SEMA4G: variants seen among roughly 807,000 people sequenced by gnomAD.
SEMA4G encodes semaphorin-4G.
Under a neutral mutation model 81.2 loss-of-function variants are expected in SEMA4G, and 59 were observed. That is an observed-to-expected ratio of 0.73 (90% CI 0.59 to 0.90). SEMA4G has a LOEUF of 0.90. Ranked by LOEUF, SEMA4G falls within the 40% of genes least tolerant of loss-of-function variation. SEMA4G has a pLI of 0.00. For synonymous variants in SEMA4G, 404 were observed against 433.9 expected, an observed-to-expected ratio of 0.93 and a Z score of 0.86; for missense variants, 952 against 1,102.3, an observed-to-expected ratio of 0.86 and a Z score of 1.93.
exon 8 of SEMA4G, chr10:100,979,229 G>A (rs1161933809): frequency 6.2e-7 from 1 of 1,614,202 alleles, no homozygotes; most frequent in Admixed American, 1.7e-5. Flanking sequence ...GAAACCTCAA[G>A]CCGTACACAC....
rs1429444660 is a variant in SEMA4G at position 100,978,398 on chromosome 10, CCTT to C, written c.529+15_529+17del. ...ACAGGCCTCATCATTGGTGAGCAGG[CCTT>C]CTTCCCTATCACAGACATGGTATTT... On this transcript the variant is annotated intron_variant, in intron 5 of 13. Transcript: ENST00000370250. The C allele has an allele frequency of 1.9e-6, 3 of 1,611,304 alleles. No individual in the cohort carries two copies. In the African/African-American group the frequency reaches 4.0e-5, roughly 22 times the overall value.
exon 14 of SEMA4G, chr10:100,984,135 C>T (rs1851297775): frequency 1.2e-6 from 2 of 1,601,658 alleles, no homozygotes; most frequent in Non-Finnish European, 1.7e-6. Flanking sequence ...TGTCTGAGCC[C>T]AGCCTCCCAG....
chr10:100,983,700 C>T, exon 14 of SEMA4G: 2 of 1,613,604 alleles, frequency 1.2e-6, no homozygotes, highest in East Asian at 4.5e-5. Flanking sequence ...CTCCTCCCTC[C>T]TCTATGTGGC....
At chr10:100,972,113 C>A (rs140686418), upstream of SEMA4G, among the ~76,000 whole-genome samples, 5 of 152,276 alleles carry the variant, frequency 3.3e-5, no homozygotes, top group African/African-American at 1.2e-4. Context: ...ACAAAATAAA[C>A]AAAGGTCCAT....
chr10:100,974,949 T>TA lies in SEMA4G; in HGVS notation c.336+1346dup, dbSNP rs1352846080. The TA allele has an allele frequency of 6.0e-6, 3 of 498,222 alleles. No individual in the cohort carries two copies. In the Admixed American group the frequency reaches 6.8e-5, roughly 11 times the overall value. The allele number at this position is 498,222 out of a possible 1,614,324, so 30.9% of individuals were successfully genotyped here. A position where few individuals can be genotyped will look rare whatever the true frequency, so the allele number is the denominator to read the frequency against. On this transcript the variant is annotated intron_variant, in intron 3 of 13. Transcript: ENST00000370250. Reference sequence around the variant, plus strand: ...CAATATAATGAGACTCTATCTCTAATAAAAAATAATTAAAAAAAAATTCCC... The same window carrying TA: ...CAATATAATGAGACTCTATCTCTAATAAAAAAATAATTAAAAAAAAATTCCC...
intron 13 of SEMA4G, chr10:100,981,503 T>C (rs376967369): frequency 1.9e-6 from 3 of 1,614,072 alleles, no homozygotes; most frequent in African/African-American, 1.3e-5. Context: ...AGGACGGTAA[T>C]GGGTATTTCC....
At chr10:100,983,174 C>G in intron 13 of SEMA4G, 131 bp from the exon 15 acceptor site, 2 of 1,130,296 alleles carry the variant, frequency 1.8e-6, no homozygotes, top group Non-Finnish European at 1.2e-6. Context: ...AGCACAGAGC[C>G]TGGGTCAGCT....
intron 10 of SEMA4G, 47 bp from the exon 12 acceptor site, chr10:100,980,531 A>G (rs552015788): frequency 6.5e-7 from 1 of 1,533,262 alleles, no homozygotes; most frequent in Non-Finnish European, 9.0e-7. Flanking sequence ...GGGTGCTGAG[A>G]GCAGATCCCA....
rs74154244 is a variant in SEMA4G at position 100,978,327 on chromosome 10, C to T, written c.468C>T (p.Phe156=). The change falls in exon 5 of 14, where the codon TTC becomes TTT. Residue 156 remains phenylalanine, a synonymous_variant. Transcript: ENST00000370250. ...AGGCCTTCACCTTGCCAACCAGCTT[C>T]GAGGAGGGGAAGGAGAAGTGTCCTT... 3,537 of 1,613,562 alleles carry T rather than the reference C, an allele frequency of 2.2e-3. 61 individuals carry two copies. The African/African-American group carries it at 0.041, about 18-fold the overall frequency.
In SEMA4G at chr10:100,973,154, G is replaced by C; in HGVS notation, c.150G>C (p.Lys50Asn). The stretch of plus-strand genomic sequence containing the variant: ...AGCTCTCTGGGACCCGGCACTTCAA[G>C]GGCCAAGCCCAGAACTACTCAACAC... The change falls in exon 2 of 14, where the codon AAG (lysine) becomes AAC (asparagine). Residue 50 changes from lysine (K) to asparagine (N), a missense_variant. Lys to Asn is a moderately conservative substitution (Grantham distance 94). Transcript: ENST00000370250. This position sits in a 1 kb window ranked among gnomAD's most constrained non-coding sequence, Gnocchi z 5.5. The C allele has an allele frequency of 6.2e-7, 1 of 1,613,962 alleles. No individual in the cohort carries two copies. The highest frequency in any genetic ancestry group is 8.5e-7 in the Non-Finnish European group (1 of 1,180,012).
chr10:100,974,825 C>A lies in SEMA4G; in HGVS notation c.336+1216C>A, dbSNP rs188126553. On this transcript the variant is annotated intron_variant, in intron 3 of 13. Coordinates refer to ENST00000370250, the Ensembl canonical transcript of SEMA4G. ...TGGAGAGCTTTTACAAAATAAACGGCCCTGGGCTGGGCATGGTGGGTCACA... is the reference window on the plus strand; with the variant it reads ...TGGAGAGCTTTTACAAAATAAACGGACCTGGGCTGGGCATGGTGGGTCACA... 4.0e-4 allele frequency among the ~76,000 whole-genome samples: 61 copies of A among 152,234 alleles called. No individual in the cohort carries two copies. The East Asian group carries it at 0.01, about 26-fold the overall frequency.
At chr10:100,984,615 C>A in exon 14 of SEMA4G, 1 of 1,536,288 alleles carries the variant, frequency 6.5e-7, no homozygotes, top group South Asian at 1.2e-5. Context: ...TTCACATGCA[C>A]ACATGGAAGA....
chr10:100,977,402 T>C (rs1271976786), intron 3 of SEMA4G, among the ~76,000 whole-genome samples: 1 of 152,110 alleles, frequency 6.6e-6, no homozygotes, highest in African/African-American at 2.4e-5. Flanking sequence ...ATTGGCAGAA[T>C]GGTGTCAGGT....
chr10:100,975,164 G>A (rs1442311370), intron 3 of SEMA4G: 1 of 424,194 alleles, frequency 2.4e-6, no homozygotes, highest in South Asian at 1.9e-5. Flanking sequence ...TTTATTCTGT[G>A]ACAGTGAACA....
At chr10:100,971,656 C>G (rs1357338951), upstream of SEMA4G, among the ~76,000 whole-genome samples, 1 of 152,188 alleles carries the variant, frequency 6.6e-6, no homozygotes, top group African/African-American at 2.4e-5. Flanking sequence ...ACACCTCACC[C>G]AGCCCAGGAA....
downstream of SEMA4G, chr10:100,984,956 CAT>C (rs201653131): frequency 0.021 from 29,873 of 1,413,780 alleles, 362 homozygotes; most frequent in Non-Finnish European, 0.025. Flanking sequence ...CTGTATCACA[CAT>C]GTGCTTACAT....
At chr10:100,984,504 G>A (rs1301023166) in exon 14 of SEMA4G, 1 of 1,535,742 alleles carries the variant, frequency 6.5e-7, no homozygotes, top group East Asian at 2.4e-5. Flanking sequence ...GGCTCTGCAG[G>A]TCCATATGGG....
At chr10:100,975,982 G>A (rs1297005446) in intron 3 of SEMA4G, among the ~76,000 whole-genome samples, 1 of 152,182 alleles carries the variant, frequency 6.6e-6, no homozygotes, top group Admixed American at 6.6e-5. Context: ...GCACTGGATG[G>A]ATGAAAATAG....
chr10:100,969,641 G>A, upstream of SEMA4G: 1 of 325,714 alleles, frequency 3.1e-6, no homozygotes, highest in South Asian at 2.2e-5. Flanking sequence ...GCCTGGGGCT[G>A]CGGGCCGGGG....
Sources: allele counts gnomAD v4.1 joint callset (sites outside exome capture counted in the v4.1 genomes callset), GRCh38; gene constraint gnomAD v4.1.1; non-coding constraint Gnocchi (gnomAD v3.1); transcripts MANE v1.5; gene names NCBI Gene and HGNC (gene_info 2026-07-23, HGNC 2026-07-21).